Variants in CD302 observed in about 807,000 individuals in gnomAD.
CD302 encodes CD302 molecule.
A neutral mutation model predicts 26.5 loss-of-function variants in CD302; 23 were observed. That is an observed-to-expected ratio of 0.87 (90% CI 0.62 to 1.23). CD302 has a LOEUF of 1.23. Among genes scored for constraint, CD302 ranks in the 50% most tolerant of loss-of-function variants. The probability of loss-of-function intolerance (pLI) is 0.00; values close to 1 mark genes in which losing one functional copy is unlikely to be tolerated. For missense variants in CD302, 290 were observed against 275.5 expected (o/e 1.05, Z -0.37); for synonymous variants, 90 against 99.4 (o/e 0.91, Z 0.56).
chr2:159,786,783 TTC>T (rs1208734382), intron 1 of CD302, among the ~76,000 whole-genome samples: 1 of 152,236 alleles, frequency 6.6e-6, no homozygotes, highest in African/African-American at 2.4e-5. Flanking sequence ...GTGAATTTTT[TTC>T]TTTTTTCTTT....
intron 4 of CD302, among the ~76,000 whole-genome samples, chr2:159,778,859 C>CTT (rs1324577797): frequency 1.3e-5 from 2 of 152,046 alleles, no homozygotes; most frequent in African/African-American, 4.8e-5. Flanking sequence ...CTTTCTAAAA[C>CTT]TTAGAATAAC....
In CD302 at chr2:159,772,028, C is replaced by G; in HGVS notation, c.522G>C (p.Leu174Phe). 1 of 1,613,796 alleles carries G rather than the reference C, an allele frequency of 6.2e-7. No individual in the cohort carries two copies. The highest frequency in any genetic ancestry group is 8.5e-7 in the Non-Finnish European group (1 of 1,179,866). The change falls in exon 6 of 6, where the codon TTG becomes TTC. Residue 174 changes from leucine to phenylalanine, a missense_variant. Transcript: ENST00000259053. The stretch of plus-strand genomic sequence containing the variant: ...TCAAAATTACCGTGCTAGCAATCAC[C>G]AATGCTGATATTAAAATGTGGTTAT... ...LSDNHILISA[L>F]VIASTVILTV...
intron 5 of CD302, among the ~76,000 whole-genome samples, chr2:159,772,591 A>G (rs936096372): frequency 1.3e-5 from 2 of 152,168 alleles, no homozygotes; most frequent in African/African-American, 4.8e-5. Context: ...GTTCTTGCCT[A>G]TTCAAACCCT....
intron 5 of CD302, among the ~76,000 whole-genome samples, chr2:159,776,836 G>T (rs1203422434): frequency 4.6e-5 from 7 of 151,680 alleles, no homozygotes; most frequent in African/African-American, 1.2e-4. Context: ...CTCCCAAGTA[G>T]CCGGGATTAC....
chr2:159,773,556 A>G (rs779537819), intron 5 of CD302, among the ~76,000 whole-genome samples: 5 of 152,216 alleles, frequency 3.3e-5, no homozygotes, highest in Non-Finnish European at 5.9e-5. Flanking sequence ...TATCCTAAGA[A>G]CTGGACAGTG....
At chr2:159,786,000 T>C (rs1322901969) in intron 1 of CD302, among the ~76,000 whole-genome samples, 1 of 152,204 alleles carries the variant, frequency 6.6e-6, no homozygotes, top group Non-Finnish European at 1.5e-5. Context: ...TGGATTGTTG[T>C]AAATATCAGG....
chr2:159,770,237 TAATAA>T lies in CD302; in HGVS notation c.*1609_*1613del, dbSNP rs772322318. 1 of 152,148 alleles carries T rather than the reference TAATAA, an allele frequency of 6.6e-6. No homozygotes were observed. Among genetic ancestry groups the T allele is most frequent in the Non-Finnish European group, 1.5e-5 (1 of 68,032 alleles). The allele number at this position is 152,148 out of a possible 1,614,324, so 9.4% of individuals were successfully genotyped here. A position where few individuals can be genotyped will look rare whatever the true frequency, so the allele number is the denominator to read the frequency against. ...ATTGACATTAGTAATAGTCTATCAATAATAAAATAGACATCTCAATCACTATACAA... is the reference window on the plus strand; with the variant it reads ...ATTGACATTAGTAATAGTCTATCAATAATAGACATCTCAATCACTATACAA... On this transcript the variant is annotated 3_prime_UTR_variant, in exon 6 of 6. Coordinates refer to ENST00000259053, the MANE Select transcript of CD302 (RefSeq NM_014880.5).
At chr2:159,772,168 C>T (rs1708169953) in intron 5 of CD302, 115 bp from the exon 6 acceptor site, 1 of 1,274,142 alleles carries the variant, frequency 7.8e-7, no homozygotes, top group African/African-American at 1.5e-5. Flanking sequence ...TGAGAATTTC[C>T]CACACTGATG....
At chr2:159,787,828 G>T (rs886541067) in intron 1 of CD302, among the ~76,000 whole-genome samples, 2 of 152,032 alleles carry the variant, frequency 1.3e-5, no homozygotes, top group Admixed American at 6.6e-5. Flanking sequence ...CTCTATAAAT[G>T]TCTCCACCAG....
Position 159,771,924 on chromosome 2 carries a change from G to A in CD302, c.626C>T (p.Pro209Leu), listed in dbSNP as rs1014685682. The A allele has an allele frequency of 6.2e-7, 1 of 1,613,734 alleles. No individual in the cohort carries two copies. The highest frequency in any genetic ancestry group is 8.5e-7 in the Non-Finnish European group (1 of 1,179,906). The change falls in exon 6 of 6, where the codon CCC becomes CTC. Residue 209 changes from proline (P) to leucine (L), a missense_variant. Physicochemically the swap from Pro to Leu is moderately conservative, Grantham distance 98. Coordinates refer to ENST00000259053, the MANE Select transcript of CD302 (RefSeq NM_014880.5). ...ACAGTCTTCATTATAAGGTGATTGGGGTGCGGTTGAAAAAACTGTGGTGAA... is the reference window on the plus strand; with the variant it reads ...ACAGTCTTCATTATAAGGTGATTGGAGTGCGGTTGAAAAAACTGTGGTGAA... ...SRFTTVFSTA[P>L]QSPYNEDCVL...
chr2:159,789,692 G>C (rs1708757533), intron 1 of CD302, among the ~76,000 whole-genome samples: 1 of 152,138 alleles, frequency 6.6e-6, no homozygotes, highest in Admixed American at 6.5e-5. Flanking sequence ...TCTATGTGAA[G>C]AGGTGTTCTA....
At chr2:159,785,436 G>C (rs1204476072) in intron 1 of CD302, among the ~76,000 whole-genome samples, 1 of 152,112 alleles carries the variant, frequency 6.6e-6, no homozygotes, top group Non-Finnish European at 1.5e-5. Context: ...GTTTGCTTTG[G>C]GAAAATGTTC....
chr2:159,770,963 C>T lies in CD302; in HGVS notation c.*888G>A, dbSNP rs1574480735. 6.6e-6 allele frequency: 1 copy of T among 152,114 alleles called. No homozygotes were observed. 9.4% of individuals were successfully genotyped at this position (152,114 alleles called of 1,614,324 possible). A position where few individuals can be genotyped will look rare whatever the true frequency, so the allele number is the denominator to read the frequency against. On this transcript the variant is annotated 3_prime_UTR_variant, in exon 6 of 6. Transcript: ENST00000259053. Reference sequence around the variant, plus strand: ...TTCAGCTTTTTCATTTTTTTACTCCCCAAATGATTTTCACCTTTTTCTTAA... The same window carrying T: ...TTCAGCTTTTTCATTTTTTTACTCCTCAAATGATTTTCACCTTTTTCTTAA...
chr2:159,772,118 A>G (rs1296754730), intron 5 of CD302, 65 bp from the exon 6 acceptor site: 3 of 1,535,458 alleles, frequency 2.0e-6, no homozygotes, highest in Non-Finnish European at 2.7e-6. Context: ...GTATATTTTG[A>G]TGAGCACAAC....
intron 1 of CD302, among the ~76,000 whole-genome samples, chr2:159,795,339 G>A (rs145217019): frequency 8.9e-4 from 135 of 152,150 alleles, no homozygotes; most frequent in African/African-American, 3.0e-3. Flanking sequence ...GAAAAAAATT[G>A]CAATCCACTT....
intron 1 of CD302, among the ~76,000 whole-genome samples, chr2:159,796,213 T>C (rs549810438): frequency 1.3e-5 from 2 of 152,334 alleles, no homozygotes; most frequent in South Asian, 4.1e-4. Context: ...AGCAACAAAC[T>C]CTTTCTTGAC....
chr2:159,792,189 G>A (rs1162635781), intron 1 of CD302, among the ~76,000 whole-genome samples: 1 of 152,074 alleles, frequency 6.6e-6, no homozygotes, highest in Non-Finnish European at 1.5e-5. Flanking sequence ...GCTGGTGCTG[G>A]CTGTGGGCAG....
chr2:159,787,735 G>T (rs1708704804), intron 1 of CD302, among the ~76,000 whole-genome samples: 1 of 151,996 alleles, frequency 6.6e-6, no homozygotes, highest in African/African-American at 2.4e-5. Context: ...TTACTGACTG[G>T]GATAATTTTC....
At chr2:159,794,302 T>TATAA (rs1560052293) in intron 1 of CD302, among the ~76,000 whole-genome samples, 3 of 113,460 alleles carry the variant, frequency 2.6e-5, no homozygotes, top group East Asian at 4.7e-4. Flanking sequence ...TAAAATAAAA[T>TATAA]AATAAAAAAA....
Sources: allele counts gnomAD v4.1 joint callset (sites outside exome capture counted in the v4.1 genomes callset), GRCh38; gene constraint gnomAD v4.1.1; transcripts MANE v1.5; gene names NCBI Gene and HGNC (gene_info 2026-07-23, HGNC 2026-07-21).